The following THSD7A variants were observed in gnomAD, a reference collection of about 807,000 sequenced individuals.
THSD7A encodes the protein thrombospondin type-1 domain-containing protein 7A.
In THSD7A, 96 loss-of-function variants were observed where a neutral mutation model predicts 231.3. The ratio of observed to expected loss-of-function variants is 0.41; its 90% CI spans 0.35 to 0.49. THSD7A has a LOEUF of 0.49. Among genes scored for constraint, THSD7A ranks in the 20% least tolerant of loss-of-function variants. The pLI is 0.05. For missense variants in THSD7A, 2,290 were observed against 2,070.2 expected (o/e 1.11, Z -2.06); for synonymous variants, 940 against 743.3 (o/e 1.26, Z -4.30).
At chr7:11,725,904 A>G (rs530665534) in intron 1 of THSD7A, among the ~76,000 whole-genome samples, 2 of 152,104 alleles carry the variant, frequency 1.3e-5, no homozygotes, top group African/African-American at 4.8e-5. Flanking sequence ...TTGTTGCAAC[A>G]TAAAATTTTA....
chr7:11,425,989 C>T (rs544161251), intron 15 of THSD7A, among the ~76,000 whole-genome samples: 1 of 151,416 alleles, frequency 6.6e-6, no homozygotes, highest in South Asian at 2.1e-4. Flanking sequence ...AGCGCACCAG[C>T]ATGGCACATG....
At chr7:11,826,462 C>G (rs1393185552) in intron 1 of THSD7A, among the ~76,000 whole-genome samples, 1 of 152,140 alleles carries the variant, frequency 6.6e-6, no homozygotes, top group Non-Finnish European at 1.5e-5. Context: ...CATTGACACT[C>G]TTAATTTGGA....
chr7:11,607,245 T>C (rs994222456), intron 2 of THSD7A, among the ~76,000 whole-genome samples: 6 of 152,122 alleles, frequency 3.9e-5, no homozygotes, highest in Admixed American at 2.0e-4. Context: ...TCAATACTAA[T>C]GAATGGGGTA....
intron 1 of THSD7A, among the ~76,000 whole-genome samples, chr7:11,734,397 A>C (rs1319367575): frequency 1.3e-5 from 2 of 151,958 alleles, no homozygotes; most frequent in African/African-American, 4.8e-5. Context: ...CCTCAATTCA[A>C]ACTATTTAAT....
rs115703791 is a variant in THSD7A, at chr7:11,656,918, G to T, written c.191-19957C>A. ...ATTTGTTATTTTCCTTTTTTAAAAA[G>T]TATGATGAAGAGAAAAAGATTAACT... On this transcript the variant is annotated intron_variant, in intron 1 of 27. Transcript: ENST00000423059. 4.1e-3 allele frequency among the ~76,000 whole-genome samples: 626 copies of T among 151,882 alleles called. 3 individuals carry two copies. Among genetic ancestry groups the T allele is most frequent in the African/African-American group, 0.014 (593 of 41,494 alleles).
At chr7:11,429,710 C>T (rs1289453154) in intron 13 of THSD7A, among the ~76,000 whole-genome samples, 1 of 152,160 alleles carries the variant, frequency 6.6e-6, no homozygotes, top group East Asian at 1.9e-4. Context: ...ATCTTATATC[C>T]ATTTGATTCT....
intron 6 of THSD7A, among the ~76,000 whole-genome samples, chr7:11,504,832 C>CTTTTTTTTTTTTTTTT (rs11379673): frequency 6.7e-6 from 1 of 150,110 alleles, no homozygotes; most frequent in Non-Finnish European, 1.5e-5. Context: ...CAACTAACTC[C>CTTTTTTTTTTTTTTTT]TTTTTTTTTA....
intron 1 of THSD7A, among the ~76,000 whole-genome samples, chr7:11,804,576 G>C (rs1452778030): frequency 6.6e-6 from 1 of 152,162 alleles, no homozygotes; most frequent in East Asian, 1.9e-4. Flanking sequence ...GCTATATACA[G>C]TGTTCCAATC....
At chr7:11,380,777 G>A (rs1003890069) in intron 24 of THSD7A, among the ~76,000 whole-genome samples, 1 of 152,118 alleles carries the variant, frequency 6.6e-6, no homozygotes, top group Admixed American at 6.6e-5. Context: ...GATGAAAGAA[G>A]AATGCATATA....
chr7:11,774,587 T>A (rs924021430), intron 1 of THSD7A, among the ~76,000 whole-genome samples: 1 of 152,156 alleles, frequency 6.6e-6, no homozygotes, highest in African/African-American at 2.4e-5. Context: ...GTAGTCTTGG[T>A]ATAACAATCA....
In THSD7A at chr7:11,610,292, C is replaced by G. The variant is rs145865890; in HGVS notation, c.1023-16790G>C. 2.0e-5 allele frequency among the ~76,000 whole-genome samples: 3 copies of G among 152,188 alleles called. No individual in the cohort carries two copies. The East Asian group carries it at 5.8e-4, about 29-fold the overall frequency. ...GTCCCCTATCAGACTTTCACTCCCC[C>G]AAATTGGAGCTTTGTCTTACTTATT... is the stretch of plus-strand genomic sequence containing the variant. On this transcript the variant is annotated intron_variant, in intron 2 of 27. Transcript: ENST00000423059.
chr7:11,641,214 A>G (rs1031972593), intron 1 of THSD7A, among the ~76,000 whole-genome samples: 1 of 152,122 alleles, frequency 6.6e-6, no homozygotes, highest in Non-Finnish European at 1.5e-5. Context: ...AGCTAATTAT[A>G]TTTGTAAAAG....
intron 1 of THSD7A, among the ~76,000 whole-genome samples, chr7:11,737,859 G>A (rs1199330123): frequency 6.6e-6 from 1 of 151,838 alleles, no homozygotes; most frequent in East Asian, 1.9e-4. Context: ...TACTAATTAG[G>A]GCAGCCAGTA....
chr7:11,724,019 A>C (rs1643958812), intron 1 of THSD7A, among the ~76,000 whole-genome samples: 1 of 151,968 alleles, frequency 6.6e-6, no homozygotes, highest in South Asian at 2.1e-4. Flanking sequence ...AGGCAATTGC[A>C]ACAACGCAGG....
chr7:11,769,316 C>A (rs1783152768), intron 1 of THSD7A, among the ~76,000 whole-genome samples: 2 of 150,338 alleles, frequency 1.3e-5, no homozygotes, highest in South Asian at 4.2e-4. Flanking sequence ...GATTTGAAAG[C>A]AATCACCTGT....
chr7:11,644,198 T>A (rs1782197778), intron 1 of THSD7A, among the ~76,000 whole-genome samples: 1 of 152,042 alleles, frequency 6.6e-6, no homozygotes, highest in African/African-American at 2.4e-5. Context: ...ACTCGTTTGG[T>A]CATTTCAAAG....
chr7:11,591,069 C>A (rs1434361266), intron 3 of THSD7A, among the ~76,000 whole-genome samples: 1 of 151,936 alleles, frequency 6.6e-6, no homozygotes, highest in Non-Finnish European at 1.5e-5. Flanking sequence ...ATGAAAACTG[C>A]ACAGTGTAGC....
chr7:11,662,438 G>T (rs968714106), intron 1 of THSD7A, among the ~76,000 whole-genome samples: 3 of 151,270 alleles, frequency 2.0e-5, no homozygotes, highest in African/African-American at 2.4e-5. Context: ...GAGAAATACA[G>T]AGAGGTATAC....
At position 11,426,719 on chromosome 7, in the gene THSD7A, A is replaced by G. The variant is rs778105589; in HGVS notation, c.3244-48T>C. 1.2e-5 allele frequency: 19 copies of G among 1,540,818 alleles called. No homozygotes were observed. In the South Asian group the frequency reaches 2.3e-4, roughly 18 times the overall value. ...TGATGAAAAGGGAGAGAAATAAGGT[A>G]GGTGAAAATGTCAGTATGCTATGAG... On this transcript the variant is annotated intron_variant, in intron 14 of 27. Coordinates refer to ENST00000423059, the MANE Select transcript of THSD7A (RefSeq NM_015204.3).
Sources: gnomAD v4.1 joint callset for allele counts (sites outside exome capture counted in the v4.1 genomes callset) on GRCh38, gnomAD v4.1.1 for gene constraint, MANE v1.5 for transcripts, NCBI Gene and HGNC (gene_info 2026-07-23, HGNC 2026-07-21) for gene names.